GPHN: variants seen among roughly 807,000 people sequenced by gnomAD.
GPHN encodes gephyrin.
Under a neutral mutation model 95.5 loss-of-function variants are expected in GPHN, and 17 were observed. That is an observed-to-expected ratio of 0.18 (90% CI 0.12 to 0.27). GPHN has a LOEUF of 0.27. Among genes scored for constraint, GPHN ranks in the 10% least tolerant of loss-of-function variants. The pLI is 1.00. For synonymous variants in GPHN, 320 were observed against 322.5 expected, an observed-to-expected ratio of 0.99 and a Z score of 0.08; for missense variants, 660 against 978.1, an observed-to-expected ratio of 0.67 and a Z score of 4.34.
intron 3 of GPHN, among the ~76,000 whole-genome samples, chr14:66,798,639 C>T (rs1163854823): frequency 6.6e-6 from 1 of 151,762 alleles, no homozygotes; most frequent in African/African-American, 2.4e-5. Context: ...TGAATTTCTG[C>T]AGTATCAATT....
intron 9 of GPHN, among the ~76,000 whole-genome samples, chr14:66,992,795 A>T (rs1432225157): frequency 6.6e-6 from 1 of 152,184 alleles, no homozygotes. Flanking sequence ...TAAAAAGAAG[A>T]ACATTTTATG....
the GPHN span, among the ~76,000 whole-genome samples, chr14:67,188,299 A>G: frequency 6.6e-6 from 1 of 152,296 alleles, no homozygotes; most frequent in East Asian, 1.9e-4. Context: ...GACGCTTTTG[A>G]AGGTAAATAT....
the GPHN span, among the ~76,000 whole-genome samples, chr14:67,681,814 C>T: frequency 1.3e-5 from 2 of 151,960 alleles, no homozygotes; most frequent in African/African-American, 4.8e-5. Flanking sequence ...GATCACAGAC[C>T]TATGTAATGC....
rs767734322 is a variant in GPHN, at chr14:66,961,900, GTATATATATATATATATA to G, written c.829-3260_829-3243del. Among the ~76,000 whole-genome samples, 417 of 53,006 alleles carry G rather than the reference GTATATATATATATATATA, an allele frequency of 7.9e-3. 6 individuals carry two copies. Among genetic ancestry groups the G allele is most frequent in the Middle Eastern group, 0.053 (5 of 94 alleles). 34.8% of individuals were successfully genotyped at this position (53,006 alleles called of 152,430 possible). A position where few individuals can be genotyped will look rare whatever the true frequency, so the allele number is the denominator to read the frequency against. ...AACCAACCATTCTATCCCTGAATGTGTATATATATATATATATATATATATATATATATATATATATAT... is the reference window on the plus strand; with the variant it reads ...AACCAACCATTCTATCCCTGAATGTGTATATATATATATATATATATATAT... On this transcript the variant is annotated intron_variant, in intron 8 of 22. Coordinates refer to ENST00000478722, the MANE Select transcript of GPHN (RefSeq NM_020806.5).
chr14:67,134,953 C>CTTCTTTTTTTTTTTTT (rs573340363), intron 17 of GPHN, among the ~76,000 whole-genome samples: 3 of 45,254 alleles, frequency 6.6e-5, no homozygotes, highest in Non-Finnish European at 1.3e-4. Context: ...TTTCTTTCTT[C>CTTCTTTTTTTTTTTTT]TTTTTTTTTT....
the GPHN span, chr14:67,225,206 A>G: frequency 1.0e-5 from 16 of 1,538,556 alleles, no homozygotes; most frequent in Non-Finnish European, 1.3e-5. Context: ...GAATGTGAGG[A>G]AAGAAAAGTA....
At chr14:67,656,669 A>C in the GPHN span, 3 of 1,433,264 alleles carry the variant, frequency 2.1e-6, no homozygotes, top group Non-Finnish European at 2.8e-6. Flanking sequence ...CACCTTCCCC[A>C]TGTTAGAAGG....
intron 12 of GPHN, among the ~76,000 whole-genome samples, chr14:67,090,573 T>C (rs1305240660): frequency 3.3e-5 from 5 of 152,124 alleles, no homozygotes; most frequent in Admixed American, 6.6e-5. Context: ...TTCCAAAATC[T>C]GAAAAACATC....
chr14:67,351,639 G>C, the GPHN span, among the ~76,000 whole-genome samples: 1 of 152,014 alleles, frequency 6.6e-6, no homozygotes, highest in East Asian at 1.9e-4. Context: ...CTCCCAAGTA[G>C]CTGGGACTAC....
chr14:67,113,416 T>C (rs562199824), intron 16 of GPHN, among the ~76,000 whole-genome samples: 1 of 152,368 alleles, frequency 6.6e-6, no homozygotes, highest in East Asian at 1.9e-4. Flanking sequence ...TGAAATATTA[T>C]AACCAATGGC....
intron 11 of GPHN, among the ~76,000 whole-genome samples, chr14:67,077,655 T>TA (rs1351945279): frequency 6.6e-6 from 1 of 152,190 alleles, no homozygotes; most frequent in Non-Finnish European, 1.5e-5. Flanking sequence ...AGACTTTTTC[T>TA]AAAGATACCT....
chr14:67,208,974 T>C, the GPHN span, among the ~76,000 whole-genome samples: 10 of 151,458 alleles, frequency 6.6e-5, no homozygotes, highest in South Asian at 1.0e-3. Context: ...CAAAGATTTA[T>C]GATGTACCAT....
At chr14:67,360,816 A>G in the GPHN span, 1 of 152,218 alleles carries the variant, frequency 6.6e-6, no homozygotes, top group African/African-American at 2.4e-5. Context: ...GACGCTGAGC[A>G]CTTTGCTTTT....
the GPHN span, chr14:67,473,783 C>G: frequency 2.5e-6 from 4 of 1,613,876 alleles, no homozygotes; most frequent in Non-Finnish European, 3.4e-6. The surrounding 1 kb of genome is among the most constrained non-coding windows in gnomAD (Gnocchi z 6.5). Flanking sequence ...AGAGGGCCCA[C>G]ACGCTCGTGA....
the GPHN span, among the ~76,000 whole-genome samples, chr14:67,329,508 C>T: frequency 2.0e-5 from 3 of 152,154 alleles, no homozygotes; most frequent in Non-Finnish European, 4.4e-5. Flanking sequence ...GAACTTCCAA[C>T]ACTGTGTTGA....
intron 17 of GPHN, 89 bp downstream of exon 17, chr14:67,122,466 C>G: frequency 8.9e-7 from 1 of 1,129,898 alleles, no homozygotes; most frequent in Middle Eastern, 2.0e-4. Context: ...GCTAAAGAGA[C>G]AGAAATTTAA....
At chr14:67,333,154 C>A in the GPHN span, 1 of 462,458 alleles carries the variant, frequency 2.2e-6, no homozygotes, top group Non-Finnish European at 3.8e-6. Flanking sequence ...ATTCTCTATA[C>A]ATGGCTTTAG....
chr14:67,717,134 T>A, the GPHN span, among the ~76,000 whole-genome samples: 3 of 152,210 alleles, frequency 2.0e-5, no homozygotes, highest in South Asian at 6.2e-4. Context: ...CAATATTTAT[T>A]TAGTTTTTTT....
the GPHN span, chr14:67,646,821 T>C: frequency 7.0e-7 from 1 of 1,431,356 alleles, no homozygotes; most frequent in Non-Finnish European, 9.8e-7. Context: ...TAACTTGGTC[T>C]ATTGCAGGTC....
Sources: gnomAD v4.1 joint callset for allele counts (sites outside exome capture counted in the v4.1 genomes callset) on GRCh38, gnomAD v4.1.1 for gene constraint, Gnocchi (gnomAD v3.1) non-coding constraint, MANE v1.5 for transcripts, NCBI Gene and HGNC (gene_info 2026-07-23, HGNC 2026-07-21) for gene names.